PIP5K1B: variants seen among roughly 807,000 people sequenced by gnomAD.
The protein encoded by PIP5K1B is phosphatidylinositol-4-phosphate 5-kinase type 1 beta, also known as phosphatidylinositol 4-phosphate 5-kinase type-1 beta.
PIP5K1B carries 42 observed loss-of-function variants against 67.0 expected under a neutral mutation model. The observed-to-expected ratio is 0.63, with a 90% CI of 0.49 to 0.81. The LOEUF (loss-of-function observed/expected upper bound fraction) is 0.81, where lower values mean the gene tolerates loss of function less well. PIP5K1B is among the 30% of genes least tolerant of loss of function. The pLI, the probability that PIP5K1B is intolerant of heterozygous loss-of-function variation, is 0.00. For missense variants in PIP5K1B, 459 were observed against 646.3 expected (o/e 0.71, Z 3.14); for synonymous variants, 214 against 231.4 (o/e 0.92, Z 0.68).
At chr9:68,735,413 C>G (rs1401432840) in intron 1 of PIP5K1B, among the ~76,000 whole-genome samples, 1 of 126,994 alleles carries the variant, frequency 7.9e-6, no homozygotes, top group Non-Finnish European at 1.6e-5. Flanking sequence ...TTTGTCATGT[C>G]TACTTAGGCT....
chr9:68,819,039 T>A (rs1833597961), intron 3 of PIP5K1B, among the ~76,000 whole-genome samples: 1 of 152,182 alleles, frequency 6.6e-6, no homozygotes, highest in South Asian at 2.1e-4. Flanking sequence ...TCAGGTGAAA[T>A]TCATATAACA....
chr9:68,759,924 A>G (rs1360097652), intron 2 of PIP5K1B, among the ~76,000 whole-genome samples: 1 of 152,132 alleles, frequency 6.6e-6, no homozygotes, highest in East Asian at 1.9e-4. Flanking sequence ...TTTCCATCAG[A>G]CAGCAATCTT....
chr9:69,002,880 G>A (rs781629495), intron 15 of PIP5K1B, among the ~76,000 whole-genome samples: 1 of 152,146 alleles, frequency 6.6e-6, no homozygotes, highest in Non-Finnish European at 1.5e-5. Context: ...CTACTTAGGA[G>A]GCTAAGGCAC....
At chr9:68,910,912 C>G (rs7043816) in intron 8 of PIP5K1B, among the ~76,000 whole-genome samples, 146,222 of 152,344 alleles carry the variant, frequency 0.96, 70,391 homozygotes, top group Non-Finnish European at 1. Context: ...ATGTCTCTAG[C>G]CAGGCATTAA....
intron 15 of PIP5K1B, among the ~76,000 whole-genome samples, chr9:69,005,565 G>A (rs560165734): frequency 4.0e-5 from 6 of 151,836 alleles, no homozygotes; most frequent in Middle Eastern, 6.8e-3. Flanking sequence ...TAGTAGAGAC[G>A]GGGTTTCTCC....
chr9:69,001,148 C>G lies in PIP5K1B; in HGVS notation c.1621-7299C>G, dbSNP rs534742445. Among the ~76,000 whole-genome samples, 6 of 151,966 alleles carry G rather than the reference C, an allele frequency of 3.9e-5. No homozygotes were observed. In the East Asian group the frequency reaches 1.2e-3, roughly 29 times the overall value. ...TCTCGAACTCCTGACCTCAGGTGAT[C>G]CACCTGCCTCGGCCTCCCCAAGTGC... On this transcript the variant is annotated intron_variant, in intron 15 of 15. Transcript: ENST00000265382.
intron 2 of PIP5K1B, among the ~76,000 whole-genome samples, chr9:68,745,460 T>TA (rs1829249171): frequency 6.6e-6 from 1 of 152,228 alleles, no homozygotes; most frequent in Admixed American, 6.5e-5. Flanking sequence ...TCATCCATCT[T>TA]AGCGGCTTGT....
intron 1 of PIP5K1B, chr9:68,708,148 G>A (rs1827211153): frequency 6.6e-6 from 1 of 152,030 alleles, no homozygotes; most frequent in Admixed American, 6.6e-5. Flanking sequence ...ATATTGTTTA[G>A]TTTACTGTTT....
At chr9:68,742,126 A>C (rs1429628175) in intron 1 of PIP5K1B, 1 of 152,206 alleles carries the variant, frequency 6.6e-6, no homozygotes, top group Non-Finnish European at 1.5e-5. Context: ...TAGAATTTCA[A>C]CATCAGAGAG....
At chr9:68,814,961 A>T (rs149902374) in intron 2 of PIP5K1B, among the ~76,000 whole-genome samples, 115 of 152,338 alleles carry the variant, frequency 7.5e-4, no homozygotes, top group African/African-American at 2.3e-3. Context: ...GTTTACAAAA[A>T]TCTATTTCTA....
intron 1 of PIP5K1B, among the ~76,000 whole-genome samples, chr9:68,715,514 T>G (rs950604028): frequency 9.2e-5 from 14 of 152,188 alleles, no homozygotes; most frequent in Admixed American, 9.2e-4. Flanking sequence ...ATTCTAAGGT[T>G]ACTTTTGAAA....
At chr9:68,868,229 G>A (rs535091633) in intron 5 of PIP5K1B, among the ~76,000 whole-genome samples, 5 of 150,390 alleles carry the variant, frequency 3.3e-5, no homozygotes, top group East Asian at 1.9e-4. Context: ...GTTATAGATA[G>A]GTTTCATGCA....
intron 4 of PIP5K1B, among the ~76,000 whole-genome samples, chr9:68,856,786 G>A (rs945727929): frequency 5.3e-5 from 8 of 152,174 alleles, no homozygotes; most frequent in Non-Finnish European, 1.0e-4. Context: ...TCTCTGCTGG[G>A]GGCAACACGG....
chr9:68,982,835 A>G (rs183446985), intron 14 of PIP5K1B, among the ~76,000 whole-genome samples: 314 of 151,974 alleles, frequency 2.1e-3, no homozygotes, highest in Non-Finnish European at 2.4e-3. Flanking sequence ...CTATGGATGC[A>G]TTTATTTGAA....
intron 14 of PIP5K1B, among the ~76,000 whole-genome samples, chr9:68,965,159 A>G (rs1049554505): frequency 2.0e-5 from 3 of 152,232 alleles, no homozygotes; most frequent in Admixed American, 6.5e-5. Flanking sequence ...TAATCACCTC[A>G]TCTACAAATA....
chr9:68,993,665 G>C (rs1278619263), intron 15 of PIP5K1B, among the ~76,000 whole-genome samples: 1 of 152,106 alleles, frequency 6.6e-6, no homozygotes, highest in African/African-American at 2.4e-5. Flanking sequence ...ATACATTTTT[G>C]GTCCCATGTT....
At position 68,901,203 on chromosome 9, in the gene PIP5K1B, A is replaced by G. The variant is rs1373207386; in HGVS notation, c.771+6565A>G. On this transcript the variant is annotated intron_variant, in intron 8 of 15. Coordinates refer to ENST00000265382, the MANE Select transcript of PIP5K1B (RefSeq NM_003558.4). ...GATTTTGTTTTTAGACTTCAATCAA[A>G]ACATGAAAAGGGTGCAGGGACATCA... 2.6e-5 allele frequency among the ~76,000 whole-genome samples: 4 copies of G among 152,286 alleles called. No homozygotes were observed. In the East Asian group the frequency reaches 7.7e-4, roughly 29 times the overall value.
intron 2 of PIP5K1B, among the ~76,000 whole-genome samples, chr9:68,764,936 T>A (rs1564117046): frequency 6.6e-6 from 1 of 152,106 alleles, no homozygotes; most frequent in Non-Finnish European, 1.5e-5. Context: ...AAACTAATTT[T>A]TATTTTAAAA....
intron 14 of PIP5K1B, among the ~76,000 whole-genome samples, chr9:68,961,477 A>G (rs912700235): frequency 1.3e-5 from 2 of 152,216 alleles, no homozygotes; most frequent in African/African-American, 4.8e-5. Flanking sequence ...TATTTCAAAC[A>G]AGAAGTGGGG....
Sources: allele counts gnomAD v4.1 joint callset (sites outside exome capture counted in the v4.1 genomes callset), GRCh38; gene constraint gnomAD v4.1.1; transcripts MANE v1.5; gene names NCBI Gene and HGNC (gene_info 2026-07-23, HGNC 2026-07-21).